CNTN5: variants seen among roughly 807,000 people sequenced by gnomAD.
The protein encoded by CNTN5 is contactin 5, also known as contactin-5.
A neutral mutation model predicts 129.1 loss-of-function variants in CNTN5; 77 were observed. The observed-to-expected ratio is 0.60, with a 90% CI of 0.50 to 0.72. The LOEUF (loss-of-function observed/expected upper bound fraction) is 0.72, where lower values mean the gene tolerates loss of function less well. Ranked by LOEUF, CNTN5 falls within the 30% of genes least tolerant of loss-of-function variation. The pLI, the probability that CNTN5 is intolerant of heterozygous loss-of-function variation, is 0.00. For synonymous variants in CNTN5, 509 were observed against 465.6 expected, an observed-to-expected ratio of 1.09 and a Z score of -1.20; for missense variants, 1,478 against 1,328.8, an observed-to-expected ratio of 1.11 and a Z score of -1.75.
chr11:99,920,947 C>T (rs1300264672), intron 7 of CNTN5, among the ~76,000 whole-genome samples: 1 of 151,976 alleles, frequency 6.6e-6, no homozygotes, highest in Non-Finnish European at 1.5e-5. Context: ...AGGGTTGGGC[C>T]TTTATGATAA....
At chr11:99,428,303 T>A (rs1223166741) in intron 2 of CNTN5, among the ~76,000 whole-genome samples, 1 of 152,140 alleles carries the variant, frequency 6.6e-6, no homozygotes, top group Non-Finnish European at 1.5e-5. Context: ...CTCACGTTTT[T>A]AATCCCAGCA....
chr11:99,986,327 A>T (rs1938674169), intron 8 of CNTN5, among the ~76,000 whole-genome samples: 1 of 151,700 alleles, frequency 6.6e-6, no homozygotes, highest in Non-Finnish European at 1.5e-5. Flanking sequence ...ATAGCTGAGT[A>T]TAGATAGAAA....
chr11:100,206,664 T>C (rs1367529876), intron 15 of CNTN5, among the ~76,000 whole-genome samples: 1 of 152,088 alleles, frequency 6.6e-6, no homozygotes, highest in Non-Finnish European at 1.5e-5. Flanking sequence ...TATGATTTTT[T>C]TTCGTGAGGC....
At chr11:99,598,292 T>C (rs61911123) in intron 3 of CNTN5, among the ~76,000 whole-genome samples, 35 of 5,240 alleles carry the variant, frequency 6.7e-3, no homozygotes, top group Non-Finnish European at 0.015. Context: ...TTCTTTTCTT[T>C]TCTTTTCTTT....
At chr11:99,300,458 G>A (rs1025652444) in intron 1 of CNTN5, among the ~76,000 whole-genome samples, 2 of 151,908 alleles carry the variant, frequency 1.3e-5, no homozygotes, top group Non-Finnish European at 2.9e-5. Context: ...TGCATACCTG[G>A]AATAAACCCA....
At chr11:99,855,423 T>C (rs1457866761) in intron 6 of CNTN5, among the ~76,000 whole-genome samples, 1 of 152,194 alleles carries the variant, frequency 6.6e-6, no homozygotes, top group Non-Finnish European at 1.5e-5. Context: ...TTTCCAGCTT[T>C]CTCTGTAATT....
chr11:100,274,768 C>T (rs770301465), intron 18 of CNTN5, among the ~76,000 whole-genome samples: 17 of 152,180 alleles, frequency 1.1e-4, no homozygotes, highest in Admixed American at 5.2e-4. Context: ...GAAAAAAGAA[C>T]ACTTATACAC....
At chr11:99,317,127 C>T (rs1865376302) in intron 1 of CNTN5, among the ~76,000 whole-genome samples, 1 of 152,086 alleles carries the variant, frequency 6.6e-6, no homozygotes, top group African/African-American at 2.4e-5. Context: ...AGTTTTATTC[C>T]ATGACATTGG....
At chr11:99,113,461 G>C (rs1263057739) in intron 1 of CNTN5, among the ~76,000 whole-genome samples, 1 of 152,008 alleles carries the variant, frequency 6.6e-6, no homozygotes, top group Non-Finnish European at 1.5e-5. Flanking sequence ...AAGGAATAAA[G>C]TACTGTATGT....
chr11:99,511,910 C>G (rs117772612), intron 2 of CNTN5, among the ~76,000 whole-genome samples: 8,806 of 151,850 alleles, frequency 0.058, 263 homozygotes, highest in South Asian at 0.08. Context: ...CTCTACAATG[C>G]ATTTGTGTTT....
At chr11:99,648,123 T>G (rs1011428358) in intron 3 of CNTN5, among the ~76,000 whole-genome samples, 1 of 151,998 alleles carries the variant, frequency 6.6e-6, no homozygotes, top group Non-Finnish European at 1.5e-5. Context: ...TCGAGTGATT[T>G]TATCATGAAA....
chr11:99,145,775 C>T (rs1859755654), intron 1 of CNTN5, among the ~76,000 whole-genome samples: 1 of 152,078 alleles, frequency 6.6e-6, no homozygotes, highest in South Asian at 2.1e-4. Context: ...GTTCTTCCTC[C>T]TCAACTGATT....
intron 3 of CNTN5, among the ~76,000 whole-genome samples, chr11:99,746,598 A>G (rs980534390): frequency 2.0e-5 from 3 of 152,172 alleles, no homozygotes; most frequent in Admixed American, 6.5e-5. Flanking sequence ...GCAGAGCCCT[A>G]TTGTGAACTG....
intron 14 of CNTN5, 45 bp from the exon 15 acceptor site, chr11:100,193,441 AAC>A (rs1301322572): frequency 3.3e-6 from 4 of 1,202,108 alleles, no homozygotes; most frequent in Non-Finnish European, 4.6e-6. Context: ...TATGTATGGT[AAC>A]ACAACAGGTT....
intron 1 of CNTN5, among the ~76,000 whole-genome samples, chr11:99,095,379 C>A (rs1866429047): frequency 6.6e-6 from 1 of 151,770 alleles, no homozygotes; most frequent in African/African-American, 2.4e-5. Context: ...ATTGAAAATA[C>A]AAAATGGTGA....
chr11:100,301,998 G>C (rs1473864279), intron 20 of CNTN5, among the ~76,000 whole-genome samples: 1 of 151,516 alleles, frequency 6.6e-6, no homozygotes, highest in Non-Finnish European at 1.5e-5. Flanking sequence ...GGCAATGATG[G>C]CTTCACTACA....
At position 99,721,686 on chromosome 11, in the gene CNTN5, G is replaced by A. The variant is rs1432648376; in HGVS notation, c.56-97858G>A. Among the ~76,000 whole-genome samples, 6 of 152,112 alleles carry A rather than the reference G, an allele frequency of 3.9e-5. No homozygotes were observed. In the East Asian group the frequency reaches 7.7e-4, roughly 20 times the overall value. On this transcript the variant is annotated intron_variant, in intron 3 of 24. Transcript: ENST00000524871. ...CAAAACAAAAGAAACTATCAACAGA[G>A]TAAATAGACAACCTACAGAATGGGA...
intron 3 of CNTN5, among the ~76,000 whole-genome samples, chr11:99,721,291 C>T (rs994584259): frequency 6.6e-6 from 1 of 151,484 alleles, no homozygotes; most frequent in African/African-American, 2.4e-5. Context: ...AAAACAGGCA[C>T]ATAGAGCAAC....
chr11:100,296,086 A>G (rs1951094155), intron 18 of CNTN5, among the ~76,000 whole-genome samples: 1 of 151,542 alleles, frequency 6.6e-6, no homozygotes, highest in South Asian at 2.1e-4. Context: ...ATGTTTGAAA[A>G]TTTGGATCCC....
Sources: allele counts gnomAD v4.1 joint callset (sites outside exome capture counted in the v4.1 genomes callset), GRCh38; gene constraint gnomAD v4.1.1; transcripts MANE v1.5; gene names NCBI Gene and HGNC (gene_info 2026-07-23, HGNC 2026-07-21).